Variants in SGK3 observed in about 807,000 individuals in gnomAD.
SGK3 encodes the protein serum/glucocorticoid regulated kinase family member 3, also known as serine/threonine-protein kinase Sgk3.
In SGK3, 47 loss-of-function variants were observed where a neutral mutation model predicts 68.5. The observed-to-expected ratio is 0.69, with a 90% CI of 0.54 to 0.87. The LOEUF is 0.87. Among genes scored for constraint, SGK3 ranks in the 40% least tolerant of loss-of-function variants. SGK3 has a pLI of 0.00. For synonymous variants in SGK3, 181 were observed against 189.1 expected (o/e 0.96, Z 0.35); for missense variants, 479 against 575.5 (o/e 0.83, Z 1.72).
chr8:66,788,114 A>C (rs999291335), intron 1 of SGK3, among the ~76,000 whole-genome samples: 1 of 152,140 alleles, frequency 6.6e-6, no homozygotes, highest in African/African-American at 2.4e-5. Flanking sequence ...GATCCTCCCT[A>C]TGAGGCCTTA....
At chr8:66,810,776 G>T (rs1808352710) in intron 4 of SGK3, among the ~76,000 whole-genome samples, 2 of 152,064 alleles carry the variant, frequency 1.3e-5, no homozygotes, top group Non-Finnish European at 2.9e-5. Flanking sequence ...TTATCTCATG[G>T]TTGGTAGCCA....
At chr8:66,761,878 C>G (rs1340850061) in intron 1 of SGK3, among the ~76,000 whole-genome samples, 1 of 152,092 alleles carries the variant, frequency 6.6e-6, no homozygotes, top group African/African-American at 2.4e-5. Context: ...CTTCATAAGC[C>G]TACTGCCCCG....
At position 66,850,917 on chromosome 8, in the gene SGK3, T is replaced by A. The variant is rs34320206; in HGVS notation, c.1317T>A (p.Asn439Lys). The change falls in exon 16 of 17, where the codon AAT becomes AAA. Residue 439 changes from asparagine to lysine, a missense_variant. Asn to Lys is a moderately conservative substitution (Grantham distance 94). This residue lies in a region of SGK3 where 173 missense variants were observed against 214.3 expected (regional missense o/e 0.81). Coordinates refer to ENST00000521198, the MANE Select transcript of SGK3 (RefSeq NM_001033578.3). ...AGATTCCACCACCATTTAATCCTAA[T>A]GTGGTAAGTATATATCCAAATCTTT... Reference protein sequence around the residue: ...QKKIPPPFNPNVAGPDDIRNF... With the variant: ...QKKIPPPFNPKVAGPDDIRNF... 2 of 1,608,994 alleles carry A rather than the reference T, an allele frequency of 1.2e-6. No individual in the cohort carries two copies. The highest frequency in any genetic ancestry group is 2.2e-5 in the South Asian group (2 of 90,166).
intron 5 of SGK3, 89 bp from the exon 6 acceptor site, chr8:66,822,283 A>G (rs1808871691): frequency 8.5e-7 from 1 of 1,171,834 alleles, no homozygotes; most frequent in Non-Finnish European, 1.2e-6. Context: ...ATACTAATAT[A>G]GTTATTTCTA....
At chr8:66,810,679 C>T (rs1229775299) in intron 4 of SGK3, among the ~76,000 whole-genome samples, 1 of 152,122 alleles carries the variant, frequency 6.6e-6, no homozygotes, top group Non-Finnish European at 1.5e-5. Flanking sequence ...CCAGCCTAGG[C>T]AACAAGAATG....
intron 1 of SGK3, among the ~76,000 whole-genome samples, chr8:66,791,681 C>T (rs1807460376): frequency 6.6e-6 from 1 of 152,212 alleles, no homozygotes; most frequent in Admixed American, 6.5e-5. Flanking sequence ...ACCTGCCACC[C>T]TGAGCCCCAC....
intron 2 of SGK3, among the ~76,000 whole-genome samples, chr8:66,797,382 G>A (rs771268761): frequency 2.0e-5 from 3 of 152,122 alleles, no homozygotes; most frequent in South Asian, 2.1e-4. Context: ...CTCTACTTCT[G>A]CATGCTGTCC....
chr8:66,859,225 C>T (rs1442507874), intron 16 of SGK3, among the ~76,000 whole-genome samples, 186 bp from the exon 17 acceptor site: 2 of 151,906 alleles, frequency 1.3e-5, no homozygotes, highest in South Asian at 2.1e-4. Flanking sequence ...CCCAGCTACT[C>T]GGGAGGGTGA....
rs372977095 is a variant in SGK3 at position 66,840,204 on chromosome 8, T to C, written c.855-7T>C. 2.7e-4 allele frequency: 429 copies of C among 1,594,766 alleles called. No homozygotes were observed. The highest frequency in any genetic ancestry group is 3.5e-4 in the Non-Finnish European group (406 of 1,171,694). On this transcript the variant is annotated splice_polypyrimidine_tract_variant and splice_region_variant and intron_variant, in intron 11 of 16. Coordinates refer to ENST00000521198, the MANE Select transcript of SGK3 (RefSeq NM_001033578.3). ...AGTTTTGCGTTTCTTTCCTTTTAAT[T>C]TGATAGAGACTTGAAACCAGAAAAT...
At chr8:66,718,470 T>TGC (rs1278848526) in intron 1 of SGK3, among the ~76,000 whole-genome samples, 1 of 151,524 alleles carries the variant, frequency 6.6e-6, no homozygotes, top group African/African-American at 2.4e-5. Flanking sequence ...TGTGTGTGTG[T>TGC]GTGTATGACC....
In SGK3 at chr8:66,803,655, A is replaced by AAT. The variant is rs764903245; in HGVS notation, c.181-710_181-709dup. On this transcript the variant is annotated intron_variant, in intron 3 of 16. Transcript: ENST00000521198. The stretch of plus-strand genomic sequence containing the variant: ...CATATCTGATAAACAAATGTATTAG[A>AAT]ATATATATATAATTATTTTTTTTGA... Among the ~76,000 whole-genome samples, 67 of 149,260 alleles carry AAT rather than the reference A, an allele frequency of 4.5e-4. No individual in the cohort carries two copies. In the East Asian group the frequency reaches 7.3e-3, roughly 16 times the overall value.
chr8:66,726,801 T>TAAAAAAAAAAAAAAAAAAAAAAAAAAAAA (rs560794837), intron 1 of SGK3, among the ~76,000 whole-genome samples: 8 of 80,972 alleles, frequency 9.9e-5, no homozygotes, highest in African/African-American at 2.9e-4. Flanking sequence ...ACCCTGTCTG[T>TAAAAAAAAAAAAAAAAAAAAAAAAAAAAA]AAAAAAAAAA....
chr8:66,717,216 AAACAAAAAAAACAAAAAAAAC>A (rs1388920768), intron 1 of SGK3, among the ~76,000 whole-genome samples: 9,151 of 131,726 alleles, frequency 0.069, 677 homozygotes, highest in African/African-American at 0.18. Context: ...TGAAAAAAAA[AAACAAAAAAAACAAAAAAAAC>A]AAAAAAAAAA....
At chr8:66,796,336 T>TG (rs1296028027) in intron 2 of SGK3, among the ~76,000 whole-genome samples, 2 of 137,912 alleles carry the variant, frequency 1.5e-5, no homozygotes, top group African/African-American at 5.3e-5. Context: ...TTTTTTTTTT[T>TG]TTTTTTTTTT....
Position 66,793,709 on chromosome 8 carries a change from A to AT in SGK3, c.-22dup, listed in dbSNP as rs771419726. On this transcript the variant is annotated 5_prime_UTR_variant, in exon 2 of 17. The change abolishes the stop of an existing upstream ORF in the 5' untranslated region. Transcript: ENST00000521198. ...CTCTGCTGACTGTTTCTTCGGATGC[A>AT]TTTTTTGGTGTGCTCTTGAGGGATT... The AT allele has an allele frequency of 1.4e-5, 22 of 1,604,734 alleles. No homozygotes were observed. In the East Asian group the frequency reaches 4.1e-4, roughly 30 times the overall value.
chr8:66,764,759 G>T (rs1312373975), intron 1 of SGK3, among the ~76,000 whole-genome samples: 1 of 152,142 alleles, frequency 6.6e-6, no homozygotes, highest in Non-Finnish European at 1.5e-5. Context: ...CTAAGTGTCT[G>T]TAACATTATG....
intron 15 of SGK3, among the ~76,000 whole-genome samples, chr8:66,848,792 A>G (rs1407719071): frequency 1.3e-5 from 2 of 152,038 alleles, no homozygotes; most frequent in Admixed American, 6.6e-5. Flanking sequence ...GTACTACTCT[A>G]TCTCCTTCCC....
intron 4 of SGK3, among the ~76,000 whole-genome samples, chr8:66,813,186 A>T (rs1808447967): frequency 6.6e-6 from 1 of 152,120 alleles, no homozygotes; most frequent in South Asian, 2.1e-4. Flanking sequence ...CCCAGGATGC[A>T]GCGGTTGCAG....
intron 1 of SGK3, among the ~76,000 whole-genome samples, chr8:66,766,292 G>A (rs1002560579): frequency 1.3e-5 from 2 of 152,112 alleles, no homozygotes; most frequent in African/African-American, 2.4e-5. Flanking sequence ...GAAGGCTGAT[G>A]TGGGTGGATC....
Sources: gnomAD v4.1 joint callset for allele counts (sites outside exome capture counted in the v4.1 genomes callset) on GRCh38, gnomAD v4.1.1 for gene constraint, gnomAD v4.1.1 regional missense constraint, MANE v1.5 for transcripts, NCBI Gene and HGNC (gene_info 2026-07-23, HGNC 2026-07-21) for gene names.